The following UNC13C variants were observed in gnomAD, a reference collection of about 807,000 sequenced individuals.
UNC13C encodes protein unc-13 homolog C.
A neutral mutation model predicts 245.4 loss-of-function variants in UNC13C; 174 were observed. The ratio of observed to expected loss-of-function variants is 0.71; its 90% CI spans 0.63 to 0.80. The LOEUF (loss-of-function observed/expected upper bound fraction) is 0.80, where lower values mean the gene tolerates loss of function less well. UNC13C is among the 30% of genes least tolerant of loss of function. The pLI is 0.00. For synonymous variants in UNC13C, 992 were observed against 895.1 expected, an observed-to-expected ratio of 1.11 and a Z score of -1.93; for missense variants, 2,829 against 2,602.9, an observed-to-expected ratio of 1.09 and a Z score of -1.89.
intron 4 of UNC13C, among the ~76,000 whole-genome samples, chr15:54,169,396 A>G (rs1595939880): frequency 6.6e-6 from 1 of 152,010 alleles, no homozygotes; most frequent in East Asian, 1.9e-4. Flanking sequence ...TAGAGAGACT[A>G]TTTTCTTTTC....
chr15:54,184,273 A>T (rs1267102923), intron 4 of UNC13C, among the ~76,000 whole-genome samples: 1 of 151,580 alleles, frequency 6.6e-6, no homozygotes. Context: ...TATTTATTTT[A>T]TTATTATTAT....
At chr15:53,977,443 A>G (rs928572829), upstream of UNC13C, among the ~76,000 whole-genome samples, 2 of 152,190 alleles carry the variant, frequency 1.3e-5, no homozygotes, top group African/African-American at 2.4e-5. Flanking sequence ...TCATCCCTCC[A>G]TGTACTGAAA....
the UNC13C span, chr15:53,911,583 C>T: frequency 6.6e-6 from 1 of 152,214 alleles, no homozygotes; most frequent in South Asian, 2.1e-4. Flanking sequence ...AATCTGGCTT[C>T]TATCACAACT....
At chr15:54,130,386 G>A (rs1224706853) in intron 2 of UNC13C, among the ~76,000 whole-genome samples, 2 of 134,630 alleles carry the variant, frequency 1.5e-5, no homozygotes, top group South Asian at 2.4e-4. Flanking sequence ...TCCGCCTCCC[G>A]GGTTCACGCC....
intron 2 of UNC13C, among the ~76,000 whole-genome samples, chr15:54,132,078 T>TTTTCTTTTTC: frequency 6.8e-6 from 1 of 147,320 alleles, no homozygotes; most frequent in Non-Finnish European, 1.5e-5. Context: ...CTTTTTCTTT[T>TTTTCTTTTTC]TTTTTTTTGA....
the UNC13C span, among the ~76,000 whole-genome samples, chr15:53,840,271 A>G: frequency 6.6e-6 from 1 of 152,170 alleles, no homozygotes; most frequent in Non-Finnish European, 1.5e-5. Flanking sequence ...ACTGCACTAT[A>G]TGCCTGAGAA....
At chr15:54,504,218 G>A (rs1200371488) in intron 22 of UNC13C, among the ~76,000 whole-genome samples, 1 of 152,080 alleles carries the variant, frequency 6.6e-6, no homozygotes, top group African/African-American at 2.4e-5. Context: ...TAAGTCCTGG[G>A]TATGAGTCTG....
At chr15:54,457,702 T>C (rs527888430) in intron 19 of UNC13C, among the ~76,000 whole-genome samples, 8 of 152,178 alleles carry the variant, frequency 5.3e-5, no homozygotes, top group African/African-American at 1.9e-4. Context: ...TTTGTATTTC[T>C]GTGGTATCAG....
chr15:54,272,636 T>C (rs893020732), intron 10 of UNC13C, among the ~76,000 whole-genome samples: 5 of 152,196 alleles, frequency 3.3e-5, no homozygotes, highest in Non-Finnish European at 5.9e-5. Context: ...CTCTTTTTTT[T>C]CTAATCATTG....
At chr15:54,296,264 G>A (rs7176800) in intron 11 of UNC13C, among the ~76,000 whole-genome samples, 12,122 of 151,862 alleles carry the variant, frequency 0.08, 1,097 homozygotes, top group East Asian at 0.21. Context: ...GCAGTGTCGC[G>A]ATCTTGGCTC....
intron 2 of UNC13C, among the ~76,000 whole-genome samples, chr15:54,076,451 T>A (rs1416270408): frequency 6.6e-6 from 1 of 152,172 alleles, no homozygotes; most frequent in African/African-American, 2.4e-5. Flanking sequence ...TCATTTTTTA[T>A]GGCTGCATAG....
chr15:54,178,556 T>C (rs2033692226), intron 4 of UNC13C, among the ~76,000 whole-genome samples: 1 of 152,106 alleles, frequency 6.6e-6, no homozygotes, highest in African/African-American at 2.4e-5. Context: ...AAGGATTAAA[T>C]AAACAAATTC....
chr15:54,042,188 T>A (rs139967156), intron 2 of UNC13C, among the ~76,000 whole-genome samples: 60 of 152,300 alleles, frequency 3.9e-4, no homozygotes, highest in African/African-American at 1.4e-3. Context: ...CTATAAAATA[T>A]CACAATACTT....
chr15:53,935,872 T>A, the UNC13C span, among the ~76,000 whole-genome samples: 1 of 152,140 alleles, frequency 6.6e-6, no homozygotes, highest in Non-Finnish European at 1.5e-5. Flanking sequence ...AGCACAGAGA[T>A]GTGCAAAGTC....
intron 2 of UNC13C, among the ~76,000 whole-genome samples, chr15:54,133,980 T>C (rs1381312726): frequency 1.3e-5 from 2 of 152,128 alleles, no homozygotes; most frequent in Non-Finnish European, 2.9e-5. Flanking sequence ...AATGATTTGA[T>C]ATTCATATAC....
rs532843829 is a variant in UNC13C at position 54,171,816 on chromosome 15, C to A, written c.3071+28132C>A. Among the ~76,000 whole-genome samples the A allele has an allele frequency of 6.6e-5, 10 of 152,096 alleles. No individual in the cohort carries two copies. The South Asian group carries it at 2.1e-3, about 32-fold the overall frequency. ...GATATCTGTATTCCCATGTTTATTG[C>A]GGTATTATTCACCATAGCTAAGATT... On this transcript the variant is annotated intron_variant, in intron 4 of 32. Transcript: ENST00000260323.
chr15:54,305,524 TGAA>T (rs2140954251), intron 13 of UNC13C, among the ~76,000 whole-genome samples: 2 of 152,166 alleles, frequency 1.3e-5, no homozygotes, highest in East Asian at 3.9e-4. Context: ...AAACTGTTTA[TGAA>T]TAAATCTATC....
At chr15:54,619,811 A>C (rs1298589551) in intron 30 of UNC13C, among the ~76,000 whole-genome samples, 1 of 152,204 alleles carries the variant, frequency 6.6e-6, no homozygotes, top group Non-Finnish European at 1.5e-5. Context: ...ATTACTAATA[A>C]TAAAGGCATT....
chr15:54,478,638 T>C (rs1486516615), intron 19 of UNC13C, among the ~76,000 whole-genome samples: 1 of 151,588 alleles, frequency 6.6e-6, no homozygotes, highest in African/African-American at 2.4e-5. Flanking sequence ...AGTTTCTTAA[T>C]CCTGAGTTCT....
Sources: allele counts gnomAD v4.1 joint callset (sites outside exome capture counted in the v4.1 genomes callset), GRCh38; gene constraint gnomAD v4.1.1; transcripts MANE v1.5; gene names NCBI Gene and HGNC (gene_info 2026-07-23, HGNC 2026-07-21).